Variants in ROBO2 observed in about 807,000 individuals in gnomAD.
ROBO2 encodes roundabout guidance receptor 2.
Under a neutral mutation model 160.8 loss-of-function variants are expected in ROBO2, and 53 were observed. That is an observed-to-expected ratio of 0.33 (90% CI 0.26 to 0.41). ROBO2 has a LOEUF of 0.41. ROBO2 is among the 10% of genes least tolerant of loss of function. The probability of loss-of-function intolerance (pLI) is 1.00; values close to 1 mark genes in which losing one functional copy is unlikely to be tolerated. For synonymous variants in ROBO2, 664 were observed against 611.7 expected, an observed-to-expected ratio of 1.09 and a Z score of -1.26; for missense variants, 1,577 against 1,722.4, an observed-to-expected ratio of 0.92 and a Z score of 1.49.
At chr3:77,172,490 C>T (rs1034476951) in intron 2 of ROBO2, among the ~76,000 whole-genome samples, 1 of 152,018 alleles carries the variant, frequency 6.6e-6, no homozygotes, top group Non-Finnish European at 1.5e-5. Flanking sequence ...CATTATTCTA[C>T]CATTCAGAGG....
chr3:77,406,501 A>C (rs527443300), intron 2 of ROBO2, among the ~76,000 whole-genome samples: 27 of 152,306 alleles, frequency 1.8e-4, no homozygotes, highest in Admixed American at 1.0e-3. Flanking sequence ...AATAAAGATA[A>C]ATATTTTATC....
At chr3:76,586,291 T>C (rs1296299803) in intron 2 of ROBO2, among the ~76,000 whole-genome samples, 1 of 152,240 alleles carries the variant, frequency 6.6e-6, no homozygotes, top group Non-Finnish European at 1.5e-5. Context: ...TGATGTGTTT[T>C]AGCCATAATT....
intron 2 of ROBO2, among the ~76,000 whole-genome samples, chr3:76,786,299 G>A (rs370222553): frequency 4.0e-5 from 6 of 150,862 alleles, no homozygotes; most frequent in South Asian, 2.1e-4. Flanking sequence ...GTCCATTATC[G>A]CACCACTATA....
At chr3:75,921,512 ATTG>A (rs1947051223) in intron 1 of ROBO2, among the ~76,000 whole-genome samples, 1 of 152,030 alleles carries the variant, frequency 6.6e-6, no homozygotes, top group South Asian at 2.1e-4. Context: ...TTGTATTGTT[ATTG>A]TTCTATTTTT....
chr3:77,061,637 G>GT (rs2066317375), intron 1 of ROBO2, among the ~76,000 whole-genome samples: 1 of 152,066 alleles, frequency 6.6e-6, no homozygotes, highest in Admixed American at 6.6e-5. Flanking sequence ...ATTGTTTTTA[G>GT]TTTTTTTGAG....
At chr3:76,896,787 G>T (rs2074815775) in intron 2 of ROBO2, among the ~76,000 whole-genome samples, 2 of 152,024 alleles carry the variant, frequency 1.3e-5, no homozygotes, top group Admixed American at 6.6e-5. Flanking sequence ...TAATAATTGA[G>T]CCCATTGATT....
intron 2 of ROBO2, among the ~76,000 whole-genome samples, chr3:76,599,399 T>A (rs1314734445): frequency 1.3e-5 from 2 of 152,214 alleles, no homozygotes; most frequent in African/African-American, 2.4e-5. Flanking sequence ...GCAAAGGACA[T>A]AATCTTGTTC....
intron 2 of ROBO2, among the ~76,000 whole-genome samples, chr3:76,413,666 C>T (rs754884470): frequency 6.6e-6 from 1 of 152,174 alleles, no homozygotes; most frequent in Admixed American, 6.5e-5. Context: ...CTGAGACCCC[C>T]TCATCCTGGA....
rs537623908 is a variant in ROBO2, at chr3:76,219,986, A to T, written c.109+282384A>T. Among the ~76,000 whole-genome samples, 17 of 152,176 alleles carry T rather than the reference A, an allele frequency of 1.1e-4. No homozygotes were observed. The East Asian group carries it at 3.1e-3, about 28-fold the overall frequency. Reference sequence around the variant, plus strand: ...ATGTGGCACATATACACCATGGAATACTATGCAGCCATAAAAAATGGTGAG... The same window carrying T: ...ATGTGGCACATATACACCATGGAATTCTATGCAGCCATAAAAAATGGTGAG... On this transcript the variant is annotated intron_variant, in intron 2 of 26. Transcript: ENST00000487694.
intron 2 of ROBO2, among the ~76,000 whole-genome samples, chr3:76,124,110 G>C (rs953174739): frequency 1.4e-4 from 7 of 51,214 alleles, no homozygotes; most frequent in Non-Finnish European, 8.3e-4. Flanking sequence ...AGATGAATAA[G>C]AGAATCAGAG....
intron 2 of ROBO2, among the ~76,000 whole-genome samples, chr3:77,388,129 T>C (rs190571109): frequency 6.3e-4 from 90 of 143,900 alleles, no homozygotes; most frequent in Non-Finnish European, 9.6e-4. Flanking sequence ...TCCATTCTCA[T>C]AGATTCACAC....
rs140484587 is a variant in ROBO2, at chr3:77,485,077, A to G, written c.667+3858A>G. ...ACTTGGTTAGACATTCCTTAGGTCA[A>G]CACCGTAAACCTAATTCTGCTTTTG... On this transcript the variant is annotated intron_variant, in intron 4 of 25. Transcript: ENST00000461745. Among the ~76,000 whole-genome samples the G allele has an allele frequency of 2.6e-3, 391 of 152,228 alleles. 2 individuals carry two copies. Among genetic ancestry groups the G allele is most frequent in the African/African-American group, 6.5e-3 (271 of 41,558 alleles).
intron 2 of ROBO2, among the ~76,000 whole-genome samples, chr3:76,450,088 C>G (rs534607346): frequency 3.9e-4 from 58 of 148,110 alleles, no homozygotes; most frequent in Non-Finnish European, 6.2e-4. Flanking sequence ...CCCAGCACAT[C>G]AGACGTTTGG....
chr3:77,206,987 G>A (rs527405381), intron 2 of ROBO2, among the ~76,000 whole-genome samples: 1 of 152,174 alleles, frequency 6.6e-6, no homozygotes, highest in Non-Finnish European at 1.5e-5. Context: ...TTAATGGATT[G>A]GTGATTTCAA....
At chr3:76,457,217 T>C (rs1404490437) in intron 2 of ROBO2, among the ~76,000 whole-genome samples, 1 of 152,188 alleles carries the variant, frequency 6.6e-6, no homozygotes, top group Non-Finnish European at 1.5e-5. Flanking sequence ...CCTATGAGCC[T>C]GTAAAATCAG....
At chr3:77,296,413 T>G (rs1296801545) in intron 2 of ROBO2, among the ~76,000 whole-genome samples, 1 of 152,136 alleles carries the variant, frequency 6.6e-6, no homozygotes, top group Admixed American at 6.6e-5. Flanking sequence ...AAAGTAAAAT[T>G]GACGGCTAAA....
chr3:77,295,598 A>G (rs1400140572), intron 2 of ROBO2, among the ~76,000 whole-genome samples: 1 of 85,132 alleles, frequency 1.2e-5, no homozygotes, highest in African/African-American at 3.7e-5. Context: ...CTGAGGCTAG[A>G]TCACCCCACA....
chr3:77,289,263 G>C (rs907047310), intron 2 of ROBO2, among the ~76,000 whole-genome samples: 6 of 152,270 alleles, frequency 3.9e-5, no homozygotes, highest in Admixed American at 1.3e-4. Context: ...CTTTGGAAGT[G>C]ACAATTGAGA....
At chr3:77,544,112 T>G (rs1268305131) in intron 6 of ROBO2, among the ~76,000 whole-genome samples, 1 of 6,534 alleles carries the variant, frequency 1.5e-4, no homozygotes, top group Admixed American at 1.2e-3. Context: ...CCTTAAGTGT[T>G]TTTTTTTTTT....
Sources: allele counts gnomAD v4.1 joint callset (sites outside exome capture counted in the v4.1 genomes callset), GRCh38; gene constraint gnomAD v4.1.1; transcripts MANE v1.5; gene names NCBI Gene and HGNC (gene_info 2026-07-23, HGNC 2026-07-21).